The following ADAMTSL1 variants were observed in gnomAD, a reference collection of about 807,000 sequenced individuals.
ADAMTSL1 encodes ADAMTS like 1, also known as ADAMTS-like protein 1.
In ADAMTSL1, 126 loss-of-function variants were observed where a neutral mutation model predicts 201.8. That is an observed-to-expected ratio of 0.62 (90% confidence interval 0.54 to 0.72). The LOEUF (loss-of-function observed/expected upper bound fraction) is 0.72. Among genes scored for constraint, ADAMTSL1 ranks in the 30% least tolerant of loss-of-function variants. The pLI is 0.00. For missense variants in ADAMTSL1, 2,679 were observed against 2,277.8 expected (o/e 1.18, Z -3.59); for synonymous variants, 1,121 against 903.4 (o/e 1.24, Z -4.32).
At chr9:18,818,939 T>C (rs2131195109) in intron 21 of ADAMTSL1, among the ~76,000 whole-genome samples, 1 of 152,266 alleles carries the variant, frequency 6.6e-6, no homozygotes, top group South Asian at 2.1e-4. Flanking sequence ...GCCCCTGTAC[T>C]CCTAGATAGG....
chr9:18,661,125 C>A (rs936756000), intron 8 of ADAMTSL1, among the ~76,000 whole-genome samples: 2 of 151,896 alleles, frequency 1.3e-5, no homozygotes, highest in Non-Finnish European at 2.9e-5. Flanking sequence ...CAGAAATCCA[C>A]AGGACAATAA....
intron 27 of ADAMTSL1, 96 bp downstream of exon 27, chr9:18,905,987 C>G: frequency 9.0e-7 from 1 of 1,113,962 alleles, no homozygotes; most frequent in Non-Finnish European, 1.3e-6. Context: ...TAACTTACCA[C>G]AGTCCCAAGC....
chr9:18,497,330 A>C (rs1822580951), intron 1 of ADAMTSL1, among the ~76,000 whole-genome samples: 2 of 138,144 alleles, frequency 1.4e-5, no homozygotes, highest in African/African-American at 5.0e-5. Context: ...CCTGTTTTCC[A>C]CTTTTCCTTT....
intron 23 of ADAMTSL1, among the ~76,000 whole-genome samples, chr9:18,859,595 G>A (rs768447233): frequency 1.4e-4 from 21 of 152,240 alleles, no homozygotes; most frequent in East Asian, 1.2e-3. Flanking sequence ...TGCCCAAAAC[G>A]TAAATTAGGA....
At chr9:18,639,230 A>C in intron 6 of ADAMTSL1, 24 bp from the exon 7 acceptor site, 1 of 1,611,566 alleles carries the variant, frequency 6.2e-7, no homozygotes, top group Non-Finnish European at 8.5e-7. Flanking sequence ...TCTTTCTCTC[A>C]TCTTCACGTG....
intron 2 of ADAMTSL1, among the ~76,000 whole-genome samples, chr9:18,187,968 A>T (rs1187694643): frequency 1.3e-5 from 2 of 152,168 alleles, no homozygotes; most frequent in African/African-American, 4.8e-5. Context: ...ACTGAAATTT[A>T]AGAACATGAG....
intron 1 of ADAMTSL1, among the ~76,000 whole-genome samples, chr9:17,965,852 C>T (rs1008897271): frequency 5.9e-5 from 9 of 152,070 alleles, no homozygotes; most frequent in East Asian, 3.9e-4. Flanking sequence ...GTCCTCTGGG[C>T]GATGGGATTC....
intron 2 of ADAMTSL1, among the ~76,000 whole-genome samples, chr9:18,312,699 C>G (rs550318614): frequency 7.2e-5 from 11 of 152,300 alleles, no homozygotes; most frequent in African/African-American, 2.4e-4. Context: ...AAACAGAAAT[C>G]AAACCTGTTG....
chr9:18,252,099 T>C (rs1325705575), intron 2 of ADAMTSL1, among the ~76,000 whole-genome samples: 1 of 151,712 alleles, frequency 6.6e-6, no homozygotes, highest in Non-Finnish European at 1.5e-5. Flanking sequence ...TTGGATGATA[T>C]AGTATAAAAA....
At chr9:18,240,308 A>C (rs1189007509) in intron 2 of ADAMTSL1, among the ~76,000 whole-genome samples, 1 of 151,674 alleles carries the variant, frequency 6.6e-6, no homozygotes, top group Non-Finnish European at 1.5e-5. Flanking sequence ...GACTAGGTGC[A>C]TTGTTAATGA....
At chr9:18,434,900 C>T (rs939513937) in intron 2 of ADAMTSL1, among the ~76,000 whole-genome samples, 8 of 152,162 alleles carry the variant, frequency 5.3e-5, no homozygotes, top group African/African-American at 1.7e-4. Flanking sequence ...TGTGATTCTT[C>T]GACTGGTGTC....
chr9:18,670,213 G>A (rs1296778940), intron 9 of ADAMTSL1, among the ~76,000 whole-genome samples: 1 of 152,132 alleles, frequency 6.6e-6, no homozygotes, highest in African/African-American at 2.4e-5. Flanking sequence ...CATGGCAAAG[G>A]CAAAAATGAA....
rs542189578 is a variant in ADAMTSL1, at chr9:18,869,132, T to C, written c.4250-18699T>C. Among the ~76,000 whole-genome samples the C allele has an allele frequency of 3.3e-5, 5 of 152,252 alleles. No homozygotes were observed. The South Asian group carries it at 1.0e-3, about 32-fold the overall frequency. On this transcript the variant is annotated intron_variant, in intron 23 of 28. Coordinates refer to ENST00000380548, the MANE Select transcript of ADAMTSL1 (RefSeq NM_001040272.6). ...AGAGTGATGCATCTGCAAGCCAAGG[T>C]ACACCAAAGATTGCCAGCAAACCAC...
At chr9:18,661,829 G>C in intron 8 of ADAMTSL1, 106 bp from the exon 9 acceptor site, 1 of 1,181,086 alleles carries the variant, frequency 8.5e-7, no homozygotes, top group Non-Finnish European at 1.2e-6. Flanking sequence ...AAATGACTAA[G>C]GCATTGGGGA....
At chr9:18,907,030 G>T in intron 28 of ADAMTSL1, 118 bp downstream of exon 28, 1 of 1,191,090 alleles carries the variant, frequency 8.4e-7, no homozygotes, top group Non-Finnish European at 1.2e-6. Context: ...CAGGGATTGT[G>T]AGCTGGTGGT....
At chr9:18,537,700 A>C (rs1819857781) in intron 3 of ADAMTSL1, among the ~76,000 whole-genome samples, 1 of 152,054 alleles carries the variant, frequency 6.6e-6, no homozygotes, top group South Asian at 2.1e-4. Context: ...ACATAGCAAG[A>C]CCTTGTTTCT....
At chr9:18,246,557 A>G (rs552224098) in intron 2 of ADAMTSL1, among the ~76,000 whole-genome samples, 172 of 152,318 alleles carry the variant, frequency 1.1e-3, no homozygotes, top group African/African-American at 3.8e-3. Flanking sequence ...TGCCAAAAAG[A>G]CTTTACCTAT....
intron 1 of ADAMTSL1, among the ~76,000 whole-genome samples, chr9:18,043,200 C>G (rs1178687227): frequency 6.6e-6 from 1 of 152,042 alleles, no homozygotes; most frequent in African/African-American, 2.4e-5. Context: ...GAATGTGTGG[C>G]AGGGAGATCT....
chr9:18,770,411 G>C (rs2133714449), intron 16 of ADAMTSL1, among the ~76,000 whole-genome samples, 191 bp from the exon 17 acceptor site: 1 of 152,294 alleles, frequency 6.6e-6, no homozygotes, highest in East Asian at 1.9e-4. Flanking sequence ...TAAGAGTGGA[G>C]AGGGTAGATC....
Sources: gnomAD v4.1 joint callset for allele counts (sites outside exome capture counted in the v4.1 genomes callset) on GRCh38, gnomAD v4.1.1 for gene constraint, MANE v1.5 for transcripts, NCBI Gene and HGNC (gene_info 2026-07-23, HGNC 2026-07-21) for gene names.